PTPRD: variants seen among roughly 807,000 people sequenced by gnomAD.
The protein encoded by PTPRD is receptor-type tyrosine-protein phosphatase delta.
In PTPRD, 34 loss-of-function variants were observed where a neutral mutation model predicts 214.5. The ratio of observed to expected loss-of-function variants is 0.16; its 90% CI spans 0.12 to 0.21. The LOEUF (loss-of-function observed/expected upper bound fraction) is 0.21, where lower values mean the gene tolerates loss of function less well. Ranked by LOEUF, PTPRD falls within the 10% of genes least tolerant of loss-of-function variation. PTPRD has a pLI of 1.00. For missense variants in PTPRD, 2,545 were observed against 2,398.7 expected (o/e 1.06, Z -1.27); for synonymous variants, 1,128 against 845.7 (o/e 1.33, Z -5.79).
chr9:9,439,689 T>G (rs1380401872), intron 8 of PTPRD, among the ~76,000 whole-genome samples: 2 of 152,182 alleles, frequency 1.3e-5, no homozygotes, highest in Admixed American at 1.3e-4. Context: ...AAAGGGCTAT[T>G]TGGCAAAACA....
chr9:9,783,664 C>T (rs946980471), intron 5 of PTPRD, among the ~76,000 whole-genome samples: 1 of 152,020 alleles, frequency 6.6e-6, no homozygotes, highest in South Asian at 2.1e-4. Context: ...CTACTTTGTA[C>T]CCCTTGTTGT....
chr9:8,918,024 C>T (rs749160006), intron 11 of PTPRD, among the ~76,000 whole-genome samples: 2 of 152,152 alleles, frequency 1.3e-5, no homozygotes, highest in African/African-American at 2.4e-5. Context: ...TCAGAATCAA[C>T]AGCGTCACAA....
At chr9:10,059,789 A>C (rs2097723969) in intron 3 of PTPRD, among the ~76,000 whole-genome samples, 1 of 151,748 alleles carries the variant, frequency 6.6e-6, no homozygotes. Flanking sequence ...GAAATTAAAA[A>C]AAAAACACTA....
At position 8,542,162 on chromosome 9, in the gene PTPRD, A is replaced by C. The variant is rs189071984; in HGVS notation, c.353-13383T>G. Among the ~76,000 whole-genome samples, 355 of 152,338 alleles carry C rather than the reference A, an allele frequency of 2.3e-3. 1 individual carries two copies. Among genetic ancestry groups the C allele is most frequent in the Admixed American group, 6.4e-3 (98 of 15,302 alleles). ...TGCGATCTTTTTCCAAAAGCAAATG[A>C]AAGGAAAGAAGGGTTTTGAAGGTAA... is the stretch of plus-strand genomic sequence containing the variant. On this transcript the variant is annotated intron_variant, in intron 14 of 45. Coordinates refer to ENST00000381196, the MANE Select transcript of PTPRD (RefSeq NM_002839.4).
At chr9:9,623,909 G>C (rs1170588841) in intron 7 of PTPRD, among the ~76,000 whole-genome samples, 1 of 152,092 alleles carries the variant, frequency 6.6e-6, no homozygotes, top group Non-Finnish European at 1.5e-5. Flanking sequence ...AAAATTTTGA[G>C]GAAGTGGCAA....
intron 11 of PTPRD, among the ~76,000 whole-genome samples, chr9:8,929,933 A>ATATATATGTGTGTG (rs1567065887): frequency 6.6e-4 from 73 of 111,030 alleles, no homozygotes; most frequent in Middle Eastern, 4.7e-3. Context: ...ATATATGTGT[A>ATATATATGTGTGTG]TATATATATG....
intron 9 of PTPRD, among the ~76,000 whole-genome samples, chr9:9,196,499 T>A (rs993098129): frequency 6.6e-6 from 1 of 152,190 alleles, no homozygotes. Flanking sequence ...AATGATTCAA[T>A]AATTTTGCTC....
chr9:10,557,807 G>T (rs1038690046), intron 2 of PTPRD, among the ~76,000 whole-genome samples: 9 of 152,168 alleles, frequency 5.9e-5, no homozygotes, highest in African/African-American at 1.7e-4. Flanking sequence ...GTTTGCAGAA[G>T]AAGTGTTTCA....
chr9:10,049,741 C>A (rs916905886), intron 3 of PTPRD, among the ~76,000 whole-genome samples: 2 of 152,044 alleles, frequency 1.3e-5, no homozygotes, highest in African/African-American at 4.8e-5. Context: ...TTAAATAAAA[C>A]CTTTATAGCA....
intron 14 of PTPRD, among the ~76,000 whole-genome samples, chr9:8,534,837 T>C (rs926320081): frequency 6.6e-6 from 1 of 151,828 alleles, no homozygotes; most frequent in African/African-American, 2.4e-5. Flanking sequence ...GCCAAATAGA[T>C]ACTTTAAAAC....
chr9:8,934,466 T>TATATATATAAATATATATATATATAA (rs1567099314), intron 11 of PTPRD, among the ~76,000 whole-genome samples: 1 of 26,140 alleles, frequency 3.8e-5, no homozygotes, highest in African/African-American at 3.0e-4. Flanking sequence ...TATATATAAA[T>TATATATATAAATATATATATATATAA]ATATATATAT....
At chr9:9,548,040 T>A (rs2079227263) in intron 8 of PTPRD, among the ~76,000 whole-genome samples, 1 of 152,040 alleles carries the variant, frequency 6.6e-6, no homozygotes, top group Non-Finnish European at 1.5e-5. Flanking sequence ...TGCTGTCCAA[T>A]ATTTTTTATC....
intron 2 of PTPRD, among the ~76,000 whole-genome samples, chr9:10,523,895 G>A (rs1201617638): frequency 6.6e-6 from 1 of 151,762 alleles, no homozygotes; most frequent in Non-Finnish European, 1.5e-5. Context: ...TGCTCATTCA[G>A]TGTGTTTGGG....
At chr9:8,762,383 A>G (rs956974778) in intron 11 of PTPRD, among the ~76,000 whole-genome samples, 4 of 152,222 alleles carry the variant, frequency 2.6e-5, no homozygotes, top group Non-Finnish European at 5.9e-5. Context: ...GGAAATATTT[A>G]AAGCATGCAG....
chr9:10,016,805 C>T (rs1363187845), intron 4 of PTPRD, among the ~76,000 whole-genome samples: 1 of 152,016 alleles, frequency 6.6e-6, no homozygotes, highest in Admixed American at 6.6e-5. Context: ...GCAGGGACTA[C>T]ATGCATGCAC....
chr9:10,046,244 T>C (rs2097392844), intron 3 of PTPRD, among the ~76,000 whole-genome samples: 1 of 151,870 alleles, frequency 6.6e-6, no homozygotes, highest in Non-Finnish European at 1.5e-5. Flanking sequence ...TATTCTGCTT[T>C]ATCTAATTAT....
intron 10 of PTPRD, among the ~76,000 whole-genome samples, chr9:9,035,923 A>G (rs2099620293): frequency 6.6e-6 from 1 of 152,086 alleles, no homozygotes; most frequent in African/African-American, 2.4e-5. Context: ...ATATTTGAAG[A>G]CTAATGCTAG....
chr9:8,472,089 A>C (rs932394222), intron 30 of PTPRD, among the ~76,000 whole-genome samples: 2 of 152,178 alleles, frequency 1.3e-5, no homozygotes, highest in Non-Finnish European at 2.9e-5. Context: ...GGTCACAGGC[A>C]AAAAGACAGA....
rs1569566782 is a variant in PTPRD at position 9,275,202 on chromosome 9, TA to T, written c.-202-91840del. ...ATATATGTTATATATATATATATTA[TA>T]TATATATATATATAACCATTAGCAT... On this transcript the variant is annotated intron_variant, in intron 9 of 45. Coordinates refer to ENST00000381196, the MANE Select transcript of PTPRD (RefSeq NM_002839.4). Among the ~76,000 whole-genome samples the T allele has an allele frequency of 2.2e-3, 137 of 62,976 alleles. 3 individuals are homozygous for T. Among genetic ancestry groups the T allele is most frequent in the African/African-American group, 8.5e-3 (130 of 15,296 alleles). 41.3% of individuals were successfully genotyped at this position (62,976 alleles called of 152,430 possible).
Sources: gnomAD v4.1 joint callset for allele counts (sites outside exome capture counted in the v4.1 genomes callset) on GRCh38, gnomAD v4.1.1 for gene constraint, MANE v1.5 for transcripts, NCBI Gene and HGNC (gene_info 2026-07-23, HGNC 2026-07-21) for gene names.